THNSL1: variants seen among roughly 807,000 people sequenced by gnomAD.
The protein encoded by THNSL1 is threonine synthase like 1, also known as threonine synthase-like 1.
In THNSL1, 48 loss-of-function variants were observed where a neutral mutation model predicts 50.4. The observed-to-expected ratio is 0.95, with a 90% CI of 0.76 to 1.21. The LOEUF (loss-of-function observed/expected upper bound fraction) is 1.21, where lower values mean the gene tolerates loss of function less well. Ranked by LOEUF, THNSL1 falls within the 50% of genes most tolerant of loss-of-function variation. THNSL1 has a pLI of 0.00. For missense variants in THNSL1, 896 were observed against 871.7 expected (o/e 1.03, Z -0.35); for synonymous variants, 309 against 306.1 (o/e 1.01, Z -0.10).
the THNSL1 span, among the ~76,000 whole-genome samples, chr10:24,959,632 T>C: frequency 6.6e-6 from 1 of 152,222 alleles, no homozygotes; most frequent in African/African-American, 2.4e-5. Flanking sequence ...ACTGCCAATA[T>C]TCAGGAAGAC....
chr10:25,023,207 A>G lies in THNSL1; in HGVS notation c.-17A>G. On this transcript the variant is annotated 5_prime_UTR_variant, in exon 3 of 3. Coordinates refer to ENST00000376356, the MANE Select transcript of THNSL1 (RefSeq NM_024838.5). ...AGCCAATTTTTAGGTTGGCTTGGGCAGAAAAGTGAAAAGAGAATGCTCCAC... is the reference window on the plus strand; with the variant it reads ...AGCCAATTTTTAGGTTGGCTTGGGCGGAAAAGTGAAAAGAGAATGCTCCAC... 1 of 1,592,790 alleles carries G rather than the reference A, an allele frequency of 6.3e-7. No homozygotes were observed. The highest frequency in any genetic ancestry group is 1.1e-5 in the South Asian group (1 of 87,356).
At chr10:24,990,841 C>T in the THNSL1 span, among the ~76,000 whole-genome samples, 1 of 152,032 alleles carries the variant, frequency 6.6e-6, no homozygotes, top group African/African-American at 2.4e-5. Flanking sequence ...CACCTGTAAT[C>T]CCAGCACTTT....
chr10:25,020,268 C>T (rs1205443853), intron 1 of THNSL1, among the ~76,000 whole-genome samples: 4 of 137,274 alleles, frequency 2.9e-5, no homozygotes, highest in Non-Finnish European at 6.4e-5. Flanking sequence ...ATATCTATAT[C>T]TATATCTATA....
At chr10:25,011,962 GA>G (rs1337681044), upstream of THNSL1, among the ~76,000 whole-genome samples, 1 of 152,186 alleles carries the variant, frequency 6.6e-6, no homozygotes, top group African/African-American at 2.4e-5. Flanking sequence ...AGACCTAGGA[GA>G]AAAAATGGTT....
At chr10:24,971,000 G>A in the THNSL1 span, among the ~76,000 whole-genome samples, 2 of 152,184 alleles carry the variant, frequency 1.3e-5, no homozygotes, top group Admixed American at 1.3e-4. Context: ...CTCCAGCTTG[G>A]GTGACAGAGT....
At chr10:24,995,970 G>T in the THNSL1 span, 1 of 909,778 alleles carries the variant, frequency 1.1e-6, no homozygotes, top group Non-Finnish European at 1.6e-6. Context: ...TATTGAAGTT[G>T]CAGTCATAAT....
the THNSL1 span, among the ~76,000 whole-genome samples, chr10:25,008,291 G>C: frequency 6.6e-6 from 1 of 152,114 alleles, no homozygotes; most frequent in Non-Finnish European, 1.5e-5. Flanking sequence ...TTGAATATAA[G>C]TTAATTAAAA....
chr10:24,995,609 G>C, the THNSL1 span: 7 of 1,523,162 alleles, frequency 4.6e-6, 1 homozygote, highest in Middle Eastern at 1.8e-4. Context: ...TAAATTATTT[G>C]AATTTCAGCC....
chr10:25,010,654 CTCATTGTTCAATTCCCATCT>C, the THNSL1 span, among the ~76,000 whole-genome samples: 1 of 144,996 alleles, frequency 6.9e-6, no homozygotes, highest in Non-Finnish European at 1.5e-5. Context: ...TCCATGTGTT[CTCATTGTTCAATTCCCATCT>C]ATGAGTGAGA....
At chr10:24,983,716 T>C in the THNSL1 span, 1 of 152,182 alleles carries the variant, frequency 6.6e-6, no homozygotes, top group Non-Finnish European at 1.5e-5. Context: ...AAGACTCCCA[T>C]ATTTTGTTTT....
Position 25,024,679 on chromosome 10 carries a change from G to T in THNSL1, c.1456G>T (p.Ala486Ser), listed in dbSNP as rs1289647382. 1 of 1,614,158 alleles carries T rather than the reference G, an allele frequency of 6.2e-7. No individual in the cohort carries two copies. Among genetic ancestry groups the T allele is most frequent in the South Asian group, 1.1e-5 (1 of 91,082 alleles). ...LLPQVVYHAS[A>S]YLDLVSQGFI... ...TCCGCAGGTAGTTTATCATGCTTCC[G>T]CATATCTTGATCTTGTTAGTCAAGG... The change falls in exon 3 of 3, where the codon GCA becomes TCA. Residue 486 changes from alanine to serine, a missense_variant. Transcript: ENST00000376356.
At chr10:24,962,686 A>G in the THNSL1 span, among the ~76,000 whole-genome samples, 87 of 152,330 alleles carry the variant, frequency 5.7e-4, no homozygotes, top group African/African-American at 2.0e-3. Context: ...TTCCATAGCC[A>G]TTGTATATGC....
the THNSL1 span, among the ~76,000 whole-genome samples, chr10:25,005,712 T>C: frequency 6.6e-6 from 1 of 152,218 alleles, no homozygotes. Flanking sequence ...ATCAAGTAAC[T>C]AAATTTTCAA....
chr10:24,988,786 T>A, the THNSL1 span, among the ~76,000 whole-genome samples: 71 of 137,310 alleles, frequency 5.2e-4, no homozygotes, highest in African/African-American at 1.9e-3. Context: ...TGTCCAGGTA[T>A]AATGAGACTG....
chr10:25,020,653 A>G (rs1270112781), intron 1 of THNSL1, among the ~76,000 whole-genome samples: 1 of 151,752 alleles, frequency 6.6e-6, no homozygotes, highest in Non-Finnish European at 1.5e-5. Context: ...TGGTGGGAGG[A>G]TCACCTGAGC....
At chr10:24,961,340 C>G in the THNSL1 span, among the ~76,000 whole-genome samples, 3 of 152,128 alleles carry the variant, frequency 2.0e-5, no homozygotes, top group Non-Finnish European at 4.4e-5. Flanking sequence ...AACCATTCCC[C>G]AGTATAAGTA....
rs1850804181 is a variant in THNSL1 at position 25,024,625 on chromosome 10, G to C, written c.1402G>C (p.Ala468Pro). The change falls in exon 3 of 3, where the codon GCT becomes CCT. Residue 468 changes from alanine to proline, a missense_variant. By Grantham distance (27) the Ala-to-Pro change is conservative. Coordinates refer to ENST00000376356, the MANE Select transcript of THNSL1 (RefSeq NM_024838.5). Reference sequence around the variant, plus strand: ...GGAATATGGAACAATCTTAAGTTCGGCTAACTCCATAAACTGGGGCCGACT... The same window carrying C: ...GGAATATGGAACAATCTTAAGTTCGCCTAACTCCATAAACTGGGGCCGACT... Reference protein sequence around the residue: ...TVEYGTILSSANSINWGRLLP... With the variant: ...TVEYGTILSSPNSINWGRLLP... 1.9e-6 allele frequency: 3 copies of C among 1,614,060 alleles called. No individual in the cohort carries two copies. In the Admixed American group the frequency reaches 5.0e-5, roughly 27 times the overall value.
the THNSL1 span, among the ~76,000 whole-genome samples, chr10:24,989,879 T>G: frequency 6.6e-6 from 1 of 152,134 alleles, no homozygotes; most frequent in Non-Finnish European, 1.5e-5. Context: ...AAGCAGAAAC[T>G]CTTACACCCC....
At chr10:24,976,294 G>C in the THNSL1 span, among the ~76,000 whole-genome samples, 1 of 152,056 alleles carries the variant, frequency 6.6e-6, no homozygotes, top group African/African-American at 2.4e-5. Context: ...TAATAAACAA[G>C]TAGACTCTCA....
Sources: gnomAD v4.1 joint callset for allele counts (sites outside exome capture counted in the v4.1 genomes callset) on GRCh38, gnomAD v4.1.1 for gene constraint, MANE v1.5 for transcripts, NCBI Gene and HGNC (gene_info 2026-07-23, HGNC 2026-07-21) for gene names.